Variants in PLB1 observed in about 807,000 individuals in gnomAD.
The protein encoded by PLB1 is phospholipase B1.
A neutral mutation model predicts 227.4 loss-of-function variants in PLB1; 242 were observed. The ratio of observed to expected loss-of-function variants is 1.06; its 90% confidence interval spans 0.96 to 1.18. The LOEUF (loss-of-function observed/expected upper bound fraction) is 1.18. Among genes scored for constraint, PLB1 ranks in the 50% most tolerant of loss-of-function variants. PLB1 has a pLI of 0.00. For missense variants in PLB1, 1,858 were observed against 1,816.3 expected (o/e 1.02, Z -0.42); for synonymous variants, 757 against 682.2 (o/e 1.11, Z -1.71).
intron 21 of PLB1, 104 bp from the exon 22 acceptor site, chr2:28,578,003 C>A: frequency 8.7e-7 from 1 of 1,146,086 alleles, no homozygotes; most frequent in Non-Finnish European, 1.3e-6. Context: ...GCAGGAGGCC[C>A]ACCCTGGGCC....
intron 2 of PLB1, among the ~76,000 whole-genome samples, chr2:28,517,613 A>G (rs1399389220): frequency 6.6e-6 from 1 of 152,226 alleles, no homozygotes; most frequent in Non-Finnish European, 1.5e-5. Context: ...TAAGTTATCA[A>G]ATTAAAAGAT....
Position 28,626,481 on chromosome 2 carries a change from C to G in PLB1, c.3633C>G (p.Asn1211Lys). Reference protein sequence around the residue: ...WKLVTLFIGVNDLCHYCENPE... With the variant: ...WKLVTLFIGVKDLCHYCENPE... ...TGGTCACACTCTTCATTGGGGTCAA[C>G]GACTTGTGTCATTACTGTGAGAATC... The change falls in exon 51 of 58, where the codon AAC (asparagine) becomes AAG (lysine). Residue 1211 changes from asparagine to lysine, a missense_variant. Transcript: ENST00000327757. 1 of 1,614,156 alleles carries G rather than the reference C, an allele frequency of 6.2e-7. No homozygotes were observed. The highest frequency in any genetic ancestry group is 8.5e-7 in the Non-Finnish European group (1 of 1,179,998).
chr2:28,589,550 C>A lies in PLB1; in HGVS notation c.1916C>A (p.Thr639Asn). 1 of 1,614,040 alleles carries A rather than the reference C, an allele frequency of 6.2e-7. No individual in the cohort carries two copies. Among genetic ancestry groups the A allele is most frequent in the Non-Finnish European group, 8.5e-7 (1 of 1,179,920 alleles). The change falls in exon 27 of 58, where the codon ACC (threonine) becomes AAC (asparagine). Residue 639 changes from threonine to asparagine, a missense_variant. Physicochemically the swap from Thr to Asn is moderately conservative, Grantham distance 65 (BLOSUM62 0). Coordinates refer to ENST00000327757, the MANE Select transcript of PLB1 (RefSeq NM_153021.5). Reference protein sequence around the residue: ...PFFENVDMPKTSEGLPDNSFF... With the variant: ...PFFENVDMPKNSEGLPDNSFF... Reference sequence around the variant, plus strand: ...TTTGAAAACGTGGACATGCCAAAGACCTCGGTAAAGAAAGCAAGCATCGTA... The same window carrying A: ...TTTGAAAACGTGGACATGCCAAAGAACTCGGTAAAGAAAGCAAGCATCGTA...
At chr2:28,620,776 CCT>C (rs1396260200) in intron 48 of PLB1, 101 bp from the exon 49 acceptor site, 28 of 1,501,000 alleles carry the variant, frequency 1.9e-5, no homozygotes, top group Non-Finnish European at 2.5e-5. Flanking sequence ...CCCCAGAACT[CCT>C]GTGTCCCACC....
At chr2:28,620,684 C>T in intron 48 of PLB1, 41 bp downstream of exon 48, 2 of 1,611,222 alleles carry the variant, frequency 1.2e-6, no homozygotes, top group Non-Finnish European at 1.7e-6. Context: ...TGTGGCCGTC[C>T]TCCCTGGGGC....
At chr2:28,633,096 C>A in intron 56 of PLB1, 57 bp downstream of exon 56, 2 of 1,448,184 alleles carry the variant, frequency 1.4e-6, no homozygotes, top group Non-Finnish European at 1.9e-6. Context: ...GATATTGACA[C>A]TCTGTCTCAC....
Position 28,598,008 on chromosome 2 carries a change from A to T in PLB1, c.2325A>T (p.Ala775=). ...TTQYRGLSYS[A]GGDGSLENVT... ...CTGGCTTGCTCACTCCCTACAGTGC[A>T]GGAGGGGACGGCTCCCTGGAGAATG... The change falls in exon 34 of 58, where the codon GCA becomes GCT. Residue 775 remains alanine (A), a synonymous_variant. Transcript: ENST00000327757. 1.9e-6 allele frequency: 3 copies of T among 1,612,784 alleles called. No homozygotes were observed. Among genetic ancestry groups the T allele is most frequent in the Non-Finnish European group, 1.7e-6 (2 of 1,178,836 alleles).
rs1669096500 is a variant in PLB1, at chr2:28,518,324, A to G, written c.118-142A>G. On this transcript the variant is annotated intron_variant, in intron 2 of 57. Coordinates refer to ENST00000327757, the MANE Select transcript of PLB1 (RefSeq NM_153021.5). ...GATGAACTGGGTATGGGGTTAGGAG[A>G]AAATGACTATGGGCAATTGTTGTTT... 4 of 678,624 alleles carry G rather than the reference A, an allele frequency of 5.9e-6. No homozygotes were observed. The East Asian group carries it at 1.1e-4, about 18-fold the overall frequency. 42.0% of individuals were successfully genotyped at this position (678,624 alleles called of 1,614,324 possible).
chr2:28,604,583 C>T (rs1425881366), intron 40 of PLB1, 72 bp from the exon 41 acceptor site: 4 of 1,243,956 alleles, frequency 3.2e-6, no homozygotes, highest in Admixed American at 3.9e-5. Context: ...TGCCCACCAC[C>T]CCTACTCTTG....
chr2:28,566,667 TG>T, intron 19 of PLB1, 128 bp from the exon 20 acceptor site: 4 of 984,912 alleles, frequency 4.1e-6, no homozygotes, highest in Non-Finnish European at 6.5e-6. Context: ...ACTGAAGTGA[TG>T]GGGAAAGTGC....
At chr2:28,632,755 C>CA (rs200230828) in intron 55 of PLB1, among the ~76,000 whole-genome samples, 189 bp from the exon 56 acceptor site, 1,541 of 147,356 alleles carry the variant, frequency 0.01, 18 homozygotes, top group Non-Finnish European at 0.017. Flanking sequence ...AACTCCGTCT[C>CA]AAAAAAAAAG....
chr2:28,529,303 A>G lies in PLB1; in HGVS notation c.326-14A>G. On this transcript the variant is annotated splice_polypyrimidine_tract_variant and intron_variant, in intron 6 of 57. Transcript: ENST00000327757. ...CTGGTGAAGGCCAGGGCCTCAAACC[A>G]GTTCTCTCTTTAGTCCTTTCAGACA... 1 of 1,586,270 alleles carries G rather than the reference A, an allele frequency of 6.3e-7. No individual in the cohort carries two copies.
chr2:28,599,673 G>C (rs1881250), intron 35 of PLB1, among the ~76,000 whole-genome samples: 39,244 of 152,152 alleles, frequency 0.26, 5,365 homozygotes, highest in East Asian at 0.4. Context: ...CTGGAATGCA[G>C]TGGCACAATC....
chr2:28,628,774 C>T lies in PLB1; in HGVS notation c.3726+146C>T, dbSNP rs529141886. On this transcript the variant is annotated intron_variant, in intron 52 of 57. Transcript: ENST00000327757. ...GGCAGGGAGGGAGGTGGCTGTCAAG[C>T]TCCTCTGCAGGGAAAATTCTCACTT... is the stretch of plus-strand genomic sequence containing the variant. 1.6e-5 allele frequency: 13 copies of T among 818,256 alleles called. 1 individual carries two copies. In the East Asian group the frequency reaches 3.1e-4, roughly 20 times the overall value. 50.7% of individuals were successfully genotyped at this position (818,256 alleles called of 1,614,324 possible).
chr2:28,537,790 G>C (rs1228433804), intron 9 of PLB1, among the ~76,000 whole-genome samples: 1 of 152,032 alleles, frequency 6.6e-6, no homozygotes, highest in South Asian at 2.1e-4. Flanking sequence ...TAAATACTCA[G>C]GTGGCAGGAC....
At chr2:28,623,623 C>A (rs1244107281) in intron 49 of PLB1, among the ~76,000 whole-genome samples, 2 of 152,076 alleles carry the variant, frequency 1.3e-5, no homozygotes, top group African/African-American at 4.8e-5. Flanking sequence ...GGCCACGTAC[C>A]TAGCTTACCG....
intron 1 of PLB1, among the ~76,000 whole-genome samples, chr2:28,503,247 G>T (rs1220325226): frequency 1.3e-5 from 2 of 151,760 alleles, no homozygotes; most frequent in African/African-American, 4.8e-5. Flanking sequence ...CGACCTCTGG[G>T]CCTCAAGAGT....
chr2:28,566,744 G>T, intron 19 of PLB1, 52 bp from the exon 20 acceptor site: 1 of 1,599,988 alleles, frequency 6.3e-7, no homozygotes, highest in Non-Finnish European at 8.6e-7. Context: ...GAAGGGTCTC[G>T]GCGTGGCTGG....
chr2:28,605,782 G>A (rs76870325), intron 41 of PLB1, 71 bp from the exon 42 acceptor site: 21,041 of 1,312,312 alleles, frequency 0.016, 318 homozygotes, highest in East Asian at 0.08. Flanking sequence ...GTCAGTCCCA[G>A]GGCCAAGTCC....
Sources: allele counts gnomAD v4.1 joint callset (sites outside exome capture counted in the v4.1 genomes callset), GRCh38; gene constraint gnomAD v4.1.1; transcripts MANE v1.5; gene names NCBI Gene and HGNC (gene_info 2026-07-23, HGNC 2026-07-21).